SLC1A7: variants seen among roughly 807,000 people sequenced by gnomAD.
The protein encoded by SLC1A7 is excitatory amino acid transporter 5.
A neutral mutation model predicts 47.7 loss-of-function variants in SLC1A7; 40 were observed. The observed-to-expected ratio is 0.84, with a 90% CI of 0.65 to 1.09. The LOEUF is 1.09. Ranked by LOEUF, SLC1A7 falls within the 50% of genes least tolerant of loss-of-function variation. SLC1A7 has a pLI of 0.00. For synonymous variants in SLC1A7, 323 were observed against 325.6 expected, an observed-to-expected ratio of 0.99 and a Z score of 0.09; for missense variants, 746 against 769.5, an observed-to-expected ratio of 0.97 and a Z score of 0.36.
chr1:53,103,678 A>C, intron 4 of SLC1A7, 110 bp from the exon 5 acceptor site: 1 of 632,824 alleles, frequency 1.6e-6, no homozygotes, highest in Non-Finnish European at 2.6e-6. Flanking sequence ...TTCCTATCCT[A>C]TTTGATTGAC....
intron 3 of SLC1A7, among the ~76,000 whole-genome samples, chr1:53,113,596 C>T (rs1281043184): frequency 6.6e-6 from 1 of 152,082 alleles, no homozygotes; most frequent in Non-Finnish European, 1.5e-5. Context: ...CTTCCCCATC[C>T]CCAGGGCCAC....
intron 4 of SLC1A7, 25 bp from the exon 5 acceptor site, chr1:53,103,593 G>C (rs1644608764): frequency 6.9e-7 from 1 of 1,446,148 alleles, no homozygotes; most frequent in Non-Finnish European, 9.4e-7. Flanking sequence ...CCCACCCAGA[G>C]AGAAGTCAGG....
chr1:53,088,931 C>G lies in SLC1A7; in HGVS notation c.1410G>C (p.Ala470=). ...TCCGACATATATGGGCCATGATCCC[C>G]GCTGCCAGCGCATCACCCAGCACGT... ...MINVLGDALA[A]GIMAHICRKD... Residue 470 remains alanine, a synonymous_variant, in exon 10 of 11, where the codon GCG becomes GCC. Coordinates refer to ENST00000371494, the MANE Select transcript of SLC1A7 (RefSeq NM_006671.6). The G allele has an allele frequency of 6.2e-7, 1 of 1,614,132 alleles. No individual in the cohort carries two copies. The highest frequency in any genetic ancestry group is 8.5e-7 in the Non-Finnish European group (1 of 1,180,028).
At chr1:53,115,058 T>C (rs1322770291) in intron 2 of SLC1A7, 85 bp from the exon 3 acceptor site, 2 of 1,022,290 alleles carry the variant, frequency 2.0e-6, no homozygotes, top group Non-Finnish European at 3.0e-6. Flanking sequence ...CTCCTGGCCA[T>C]GTCCAGCTGC....
At position 53,097,510 on chromosome 1, in the gene SLC1A7, A is replaced by G. The variant is rs557698078; in HGVS notation, c.698-3950T>C. 1.1e-4 allele frequency among the ~76,000 whole-genome samples: 17 copies of G among 150,228 alleles called. No homozygotes were observed. In the East Asian group the frequency reaches 3.2e-3, roughly 28 times the overall value. ...ACACTCACACACCCCACCTCGGTAC[A>G]CTCACACACCCTGCCTTGGTACAAT... On this transcript the variant is annotated intron_variant, in intron 5 of 10. Coordinates refer to ENST00000371494, the MANE Select transcript of SLC1A7 (RefSeq NM_006671.6).
At position 53,087,638 on chromosome 1, in the gene SLC1A7, A is replaced by C. The variant is rs1363859293; in HGVS notation, c.*371T>G. ...GGAGAGGCGGGGCTTGAAAGATTTG[A>C]GTTAGTGTCTTGACCTTAACGTGAG... On this transcript the variant is annotated 3_prime_UTR_variant, in exon 11 of 11. Coordinates refer to ENST00000371494, the MANE Select transcript of SLC1A7 (RefSeq NM_006671.6). 6.1e-6 allele frequency: 1 copy of C among 162,722 alleles called. No homozygotes were observed. The highest frequency in any genetic ancestry group is 2.4e-5 in the African/African-American group (1 of 41,926). 10.1% of individuals were successfully genotyped at this position (162,722 alleles called of 1,614,324 possible).
At chr1:53,138,911 A>G (rs1184144800) in intron 1 of SLC1A7, among the ~76,000 whole-genome samples, 3 of 152,060 alleles carry the variant, frequency 2.0e-5, no homozygotes, top group African/African-American at 7.2e-5. Context: ...GTTGTACGGT[A>G]ACTATATCTT....
chr1:53,127,066 G>T, intron 2 of SLC1A7, among the ~76,000 whole-genome samples: 1 of 99,850 alleles, frequency 1.0e-5, no homozygotes, highest in African/African-American at 4.1e-5. Flanking sequence ...TTGTAGAGAT[G>T]GGGTCTCACT....
intron 2 of SLC1A7, among the ~76,000 whole-genome samples, chr1:53,124,968 A>T (rs1644866285): frequency 6.6e-6 from 1 of 152,230 alleles, no homozygotes; most frequent in Non-Finnish European, 1.5e-5. Context: ...TTTGTGGAAG[A>T]TACTTTTTGG....
intron 3 of SLC1A7, among the ~76,000 whole-genome samples, chr1:53,107,527 A>G (rs1047255657): frequency 2.0e-5 from 3 of 152,218 alleles, no homozygotes; most frequent in Non-Finnish European, 4.4e-5. Flanking sequence ...ACTGTCTACA[A>G]CTTTTCCGTA....
chr1:53,108,420 A>G (rs1225387334), intron 3 of SLC1A7: 1 of 615,162 alleles, frequency 1.6e-6, no homozygotes, highest in East Asian at 2.8e-5. Context: ...CTAGTTGCCT[A>G]TGCAGTCTCC....
At chr1:53,088,458 G>A (rs984212398) in intron 10 of SLC1A7, among the ~76,000 whole-genome samples, 1 of 152,014 alleles carries the variant, frequency 6.6e-6, no homozygotes, top group Non-Finnish European at 1.5e-5. Context: ...TAATCCACAG[G>A]GTCCATCTGG....
chr1:53,119,955 C>T (rs1000668395), intron 2 of SLC1A7, among the ~76,000 whole-genome samples: 2 of 152,144 alleles, frequency 1.3e-5, no homozygotes, highest in Non-Finnish European at 2.9e-5. Context: ...GGAGCACCTG[C>T]GGTGTTTGAG....
intron 2 of SLC1A7, among the ~76,000 whole-genome samples, chr1:53,119,888 T>G (rs1040453597): frequency 1.1e-4 from 16 of 151,914 alleles, no homozygotes; most frequent in Admixed American, 2.0e-4. Context: ...TGATTTATGG[T>G]GAGGGGAGAA....
intron 2 of SLC1A7, among the ~76,000 whole-genome samples, chr1:53,116,490 C>G (rs2150334561): frequency 6.6e-6 from 1 of 152,354 alleles, no homozygotes; most frequent in South Asian, 2.1e-4. Context: ...AATCTCTGCT[C>G]ATCCTCATCT....
At chr1:53,088,822 G>T in intron 10 of SLC1A7, 55 bp downstream of exon 10, 1 of 1,408,442 alleles carries the variant, frequency 7.1e-7, no homozygotes, top group Non-Finnish European at 1.0e-6. Flanking sequence ...CTGGTGCCCT[G>T]CCCACCCTGC....
intron 3 of SLC1A7, among the ~76,000 whole-genome samples, chr1:53,106,431 C>T (rs978703665): frequency 1.1e-4 from 16 of 151,484 alleles, no homozygotes; most frequent in Admixed American, 3.3e-4. Flanking sequence ...GGTGAAACCC[C>T]GTCTCTACTA....
At chr1:53,097,459 T>A (rs1644510002) in intron 5 of SLC1A7, among the ~76,000 whole-genome samples, 1 of 127,318 alleles carries the variant, frequency 7.9e-6, no homozygotes. Flanking sequence ...ACACAGTGCC[T>A]TGGCACACTC....
At chr1:53,142,227 G>A in intron 1 of SLC1A7, 88 bp downstream of exon 1, 4 of 1,410,748 alleles carry the variant, frequency 2.8e-6, no homozygotes, top group Non-Finnish European at 3.8e-6. Flanking sequence ...TGGCACCAGG[G>A]AGCTGTGATG....
Sources: allele counts gnomAD v4.1 joint callset (sites outside exome capture counted in the v4.1 genomes callset), GRCh38; gene constraint gnomAD v4.1.1; transcripts MANE v1.5; gene names NCBI Gene and HGNC (gene_info 2026-07-23, HGNC 2026-07-21).